Variants in ANK3 observed in about 807,000 individuals in gnomAD.
The protein encoded by ANK3 is ankyrin 3, also known as ankyrin-3.
ANK3 carries 57 observed loss-of-function variants against 370.9 expected under a neutral mutation model. The observed-to-expected ratio is 0.15, with a 90% CI of 0.12 to 0.19. The LOEUF is 0.19. ANK3 is among the 10% of genes least tolerant of loss of function. The pLI is 1.00. For missense variants in ANK3, 4,439 were observed against 5,302.1 expected, an observed-to-expected ratio of 0.84 and a Z score of 5.06; for synonymous variants, 1,929 against 1,946.3, an observed-to-expected ratio of 0.99 and a Z score of 0.23.
At chr10:60,415,931 G>A (rs1414418696) in intron 2 of ANK3, among the ~76,000 whole-genome samples, 4 of 30,192 alleles carry the variant, frequency 1.3e-4, no homozygotes, top group South Asian at 1.4e-3. Flanking sequence ...CCACCCCCCC[G>A]CCATTCATGT....
chr10:60,534,087 T>A (rs1229823222), intron 2 of ANK3, among the ~76,000 whole-genome samples: 1 of 152,082 alleles, frequency 6.6e-6, no homozygotes, highest in Admixed American at 6.6e-5. Flanking sequence ...TTGGTGGTGT[T>A]AAGAGTCACC....
chr10:60,426,430 G>C (rs571314023), intron 2 of ANK3, among the ~76,000 whole-genome samples: 1 of 152,028 alleles, frequency 6.6e-6, no homozygotes, highest in South Asian at 2.1e-4. Flanking sequence ...TCTCATAATT[G>C]CATATCTCAT....
At chr10:60,077,735 A>C (rs571290181) in intron 36 of ANK3, among the ~76,000 whole-genome samples, 3 of 152,320 alleles carry the variant, frequency 2.0e-5, no homozygotes, top group African/African-American at 7.2e-5. Flanking sequence ...TTAACACCCC[A>C]TATTTAAGTA....
intron 2 of ANK3, among the ~76,000 whole-genome samples, chr10:60,469,169 G>A (rs867979778): frequency 1.2e-5 from 1 of 83,866 alleles, no homozygotes; most frequent in Non-Finnish European, 2.4e-5. Context: ...ATGTGTGTGT[G>A]TATATATATA....
intron 1 of ANK3, among the ~76,000 whole-genome samples, chr10:60,312,016 T>G (rs1489163145): frequency 1.3e-5 from 2 of 152,172 alleles, no homozygotes; most frequent in Non-Finnish European, 2.9e-5. Flanking sequence ...ACCAGGAACA[T>G]AGTAGATGCT....
intron 1 of ANK3, among the ~76,000 whole-genome samples, chr10:60,615,505 G>A (rs964603495): frequency 6.6e-6 from 1 of 152,100 alleles, no homozygotes; most frequent in Admixed American, 6.5e-5. Context: ...ATGAAATTGT[G>A]CCAGATACAT....
At position 60,134,257 on chromosome 10, in the gene ANK3, A is replaced by G; in HGVS notation, c.2841+14T>C. 1 of 1,605,306 alleles carries G rather than the reference A, an allele frequency of 6.2e-7. No homozygotes were observed. Among genetic ancestry groups the G allele is most frequent in the South Asian group, 1.1e-5 (1 of 89,878 alleles). ...AGTTTAATGGTCAAAGGCTATTTTG[A>G]AAAGAATGCATACCTGCTCTTTGGA... is the stretch of plus-strand genomic sequence containing the variant. On this transcript the variant is annotated intron_variant, in intron 25 of 43. Transcript: ENST00000280772.
intron 28 of ANK3, among the ~76,000 whole-genome samples, chr10:60,088,769 A>G (rs1402068809): frequency 2.0e-5 from 3 of 152,242 alleles, no homozygotes; most frequent in Admixed American, 2.0e-4. Context: ...TCCATAGCCT[A>G]AACAGTTTTT....
chr10:60,339,796 C>T (rs10821731), intron 1 of ANK3, among the ~76,000 whole-genome samples: 76,277 of 151,956 alleles, frequency 0.5, 19,694 homozygotes, highest in East Asian at 0.69. Context: ...ATTACTGGAG[C>T]GGCAAGAACA....
intron 2 of ANK3, among the ~76,000 whole-genome samples, chr10:60,575,738 T>C (rs2077674723): frequency 1.3e-5 from 2 of 152,162 alleles, no homozygotes. Context: ...AGTAATTTAA[T>C]TTCTAACAAT....
Position 60,074,185 on chromosome 10 carries a change from C to T in ANK3, c.6696G>A (p.Arg2232=), listed in dbSNP as rs867427278. 1 of 1,614,088 alleles carries T rather than the reference C, an allele frequency of 6.2e-7. No homozygotes were observed. ...KASSEEDDHN[R]VLSKGMRVKE... ...TAACACGCATGCCTTTGCTTAAAAC[C>T]CGATTGTGGTCATCTTCTTCACTAC... is the stretch of plus-strand genomic sequence containing the variant. The change falls in exon 37 of 44, where the codon CGG becomes CGA. Residue 2232 remains arginine, a synonymous_variant. Transcript: ENST00000280772.
chr10:60,288,050 C>T (rs1406396711), intron 1 of ANK3, among the ~76,000 whole-genome samples: 1 of 152,160 alleles, frequency 6.6e-6, no homozygotes, highest in Non-Finnish European at 1.5e-5. Flanking sequence ...CATGAATCAA[C>T]ACTAATCTTG....
chr10:60,208,466 T>C (rs971856560), intron 9 of ANK3, among the ~76,000 whole-genome samples: 1 of 152,218 alleles, frequency 6.6e-6, no homozygotes, highest in African/African-American at 2.4e-5. Flanking sequence ...TTTCCCAATT[T>C]AATAGAAGTG....
At chr10:60,509,759 G>A (rs564999413) in intron 2 of ANK3, among the ~76,000 whole-genome samples, 39 of 152,210 alleles carry the variant, frequency 2.6e-4, no homozygotes, top group South Asian at 1.7e-3. Context: ...GAAATAAAAC[G>A]CTTCAGTGGA....
At position 60,071,846 on chromosome 10, in the gene ANK3, A is replaced by G. The variant is rs773361259; in HGVS notation, c.9035T>C (p.Ile3012Thr). 5.6e-6 allele frequency: 9 copies of G among 1,613,556 alleles called. No homozygotes were observed. Among genetic ancestry groups the G allele is most frequent in the South Asian group, 5.5e-5 (5 of 90,952 alleles). The change falls in exon 37 of 44, where the codon ATA becomes ACA. Residue 3012 changes from isoleucine (I) to threonine (T), a missense_variant. Ile to Thr is a moderately conservative substitution (Grantham distance 89). This residue lies in a region of ANK3 where 1,601 missense variants were observed against 1,731.7 expected (regional missense o/e 0.92). Coordinates refer to ENST00000280772, the MANE Select transcript of ANK3 (RefSeq NM_020987.5). The stretch of plus-strand genomic sequence containing the variant: ...TGAATAGGTAACTTTTTCATCTTCT[A>G]TAGAATTAAAGTGCTGTGTCTCAAC... ...ETVETQHFNS[I>T]EDEKVTYSEI...
intron 39 of ANK3, among the ~76,000 whole-genome samples, chr10:60,063,613 G>A (rs1023314904): frequency 1.3e-5 from 2 of 152,162 alleles, no homozygotes; most frequent in African/African-American, 4.8e-5. Context: ...GACTTTCTAG[G>A]GTCAAGTTGA....
rs1318619926 is a variant in ANK3, at chr10:60,227,264, T to A, written c.897+7424A>T. Among the ~76,000 whole-genome samples, 4 of 152,100 alleles carry A rather than the reference T, an allele frequency of 2.6e-5. 1 individual carries two copies. The East Asian group carries it at 7.7e-4, about 29-fold the overall frequency. On this transcript the variant is annotated intron_variant, in intron 8 of 43. Transcript: ENST00000280772. Reference sequence around the variant, plus strand: ...AGAACTTTAAAGGTGGCCCATCATTTTCTGACCTTCAGTGTTTCTGATGAG... The same window carrying A: ...AGAACTTTAAAGGTGGCCCATCATTATCTGACCTTCAGTGTTTCTGATGAG...
chr10:60,724,134 C>T (rs1489932429), intron 1 of ANK3, among the ~76,000 whole-genome samples: 2 of 116,578 alleles, frequency 1.7e-5, no homozygotes, highest in African/African-American at 3.2e-5. Flanking sequence ...GGCGTGAACC[C>T]GGGAGGCGGA....
chr10:60,605,601 G>A (rs1256149642), intron 2 of ANK3, among the ~76,000 whole-genome samples: 8 of 152,118 alleles, frequency 5.3e-5, no homozygotes, highest in Non-Finnish European at 1.0e-4. Flanking sequence ...GGCCACCAAG[G>A]AACAAAGCTT....
Sources: allele counts gnomAD v4.1 joint callset (sites outside exome capture counted in the v4.1 genomes callset), GRCh38; gene constraint gnomAD v4.1.1; regional missense constraint gnomAD v4.1.1; transcripts MANE v1.5; gene names NCBI Gene and HGNC (gene_info 2026-07-23, HGNC 2026-07-21).